Variants in ACTN4 observed in about 807,000 individuals in gnomAD.
ACTN4 encodes alpha-actinin-4.
A neutral mutation model predicts 114.2 loss-of-function variants in ACTN4; 18 were observed. That is an observed-to-expected ratio of 0.16 (90% CI 0.11 to 0.23). ACTN4 has a LOEUF of 0.23. Ranked by LOEUF, ACTN4 falls within the 10% of genes least tolerant of loss-of-function variation. The pLI is 1.00. For synonymous variants in ACTN4, 515 were observed against 506.3 expected, an observed-to-expected ratio of 1.02 and a Z score of -0.23; for missense variants, 722 against 1,262.9, an observed-to-expected ratio of 0.57 and a Z score of 6.49.
intron 9 of ACTN4, among the ~76,000 whole-genome samples, chr19:38,716,488 G>A (rs557574136): frequency 1.1e-4 from 17 of 152,260 alleles, no homozygotes; most frequent in African/African-American, 3.1e-4. Flanking sequence ...CCTTTTTGGC[G>A]GGGGCATGGG....
intron 1 of ACTN4, among the ~76,000 whole-genome samples, chr19:38,648,671 GATTT>G (rs1002296607): frequency 4.6e-5 from 7 of 151,990 alleles, no homozygotes; most frequent in Middle Eastern, 3.4e-3. Flanking sequence ...AAGGGGGTGA[GATTT>G]ATTTGTGGTG....
At chr19:38,705,794 C>T (rs558078455) in intron 4 of ACTN4, among the ~76,000 whole-genome samples, 2 of 152,306 alleles carry the variant, frequency 1.3e-5, no homozygotes, top group East Asian at 1.9e-4. Flanking sequence ...CCTGGTCAAG[C>T]GACTCTCCTC....
intron 1 of ACTN4, among the ~76,000 whole-genome samples, chr19:38,682,434 T>G (rs1467690971): frequency 6.6e-6 from 1 of 152,158 alleles, no homozygotes; most frequent in African/African-American, 2.4e-5. Flanking sequence ...TCCTCTCGCC[T>G]TGGCCTCCCA....
chr19:38,705,459 G>C (rs758162760), intron 4 of ACTN4, among the ~76,000 whole-genome samples: 3 of 152,184 alleles, frequency 2.0e-5, no homozygotes, highest in Non-Finnish European at 2.9e-5. Context: ...TCGCTTCCCT[G>C]CAAGCACCTG....
At chr19:38,676,057 TCAGGATGCAG>T (rs1967365822) in intron 1 of ACTN4, among the ~76,000 whole-genome samples, 1 of 152,194 alleles carries the variant, frequency 6.6e-6, no homozygotes, top group Non-Finnish European at 1.5e-5. Context: ...CACAGGGCTG[TCAGGATGCAG>T]CGGGATGGAG....
At chr19:38,680,268 G>A (rs7252589) in intron 1 of ACTN4, among the ~76,000 whole-genome samples, 54,128 of 138,096 alleles carry the variant, frequency 0.39, 11,619 homozygotes, top group East Asian at 0.49. Flanking sequence ...TCACTCAGTC[G>A]CCCAGGCTAG....
At chr19:38,726,745 G>C (rs191344098) in intron 17 of ACTN4, among the ~76,000 whole-genome samples, 55 of 152,310 alleles carry the variant, frequency 3.6e-4, no homozygotes, top group Middle Eastern at 3.4e-3. Context: ...TTGCCCTTCT[G>C]CTGCCCCTGT....
intron 3 of ACTN4, 50 bp downstream of exon 3, chr19:38,701,171 G>A (rs1232296780): frequency 6.2e-7 from 1 of 1,611,284 alleles, no homozygotes; most frequent in East Asian, 2.2e-5. Flanking sequence ...CTGACCTTTA[G>A]GCTCTGAAGC....
chr19:38,679,745 C>G (rs147573874), intron 1 of ACTN4, among the ~76,000 whole-genome samples: 76 of 152,264 alleles, frequency 5.0e-4, no homozygotes, highest in African/African-American at 1.7e-3. Context: ...ATTCTGCCAC[C>G]TTAGCCTCCC....
chr19:38,719,911 C>T (rs866987214), intron 11 of ACTN4, among the ~76,000 whole-genome samples: 5 of 152,216 alleles, frequency 3.3e-5, no homozygotes, highest in Non-Finnish European at 5.9e-5. Flanking sequence ...GAAGCCAGCT[C>T]AGTCTCCGGC....
chr19:38,730,955 C>G lies in ACTN4; in HGVS notation c.*1523C>G. 1 of 1,550,590 alleles carries G rather than the reference C, an allele frequency of 6.4e-7. No individual in the cohort carries two copies. The stretch of plus-strand genomic sequence containing the variant: ...AGCCTGAGCCACCCTGTCCCTCCCA[C>G]CTGGCTCACCTGTCTGTGGGTCAGG... On this transcript the variant is annotated 3_prime_UTR_variant, in exon 21 of 21. Transcript: ENST00000252699.
intron 3 of ACTN4, among the ~76,000 whole-genome samples, chr19:38,702,615 T>C (rs1968318501): frequency 1.3e-5 from 2 of 152,262 alleles, no homozygotes; most frequent in South Asian, 4.1e-4. Flanking sequence ...ACAGAATAGA[T>C]TTCCTGAGGC....
intron 4 of ACTN4, 66 bp downstream of exon 4, chr19:38,705,086 T>C: frequency 5.0e-6 from 7 of 1,404,910 alleles, no homozygotes; most frequent in Non-Finnish European, 7.1e-6. Flanking sequence ...AGAGCTGAAG[T>C]GTGATCTTCA....
chr19:38,681,083 G>A (rs373534724), intron 1 of ACTN4, among the ~76,000 whole-genome samples: 7 of 133,178 alleles, frequency 5.3e-5, no homozygotes, highest in Non-Finnish European at 6.3e-5. Flanking sequence ...CTGAGATTGC[G>A]CCACTGTACT....
At chr19:38,714,705 TG>T in intron 9 of ACTN4, 144 bp downstream of exon 9, 1 of 891,930 alleles carries the variant, frequency 1.1e-6, no homozygotes, top group Non-Finnish European at 1.8e-6. Context: ...TTTAGCCAGC[TG>T]GTGTGTACAC....
intron 19 of ACTN4, chr19:38,728,409 C>CTCCT: frequency 1.1e-6 from 1 of 910,614 alleles, no homozygotes; most frequent in South Asian, 1.7e-5. Flanking sequence ...CCCAGCCACC[C>CTCCT]GCTCCTCCTC....
At chr19:38,708,984 G>T (rs535300494) in intron 6 of ACTN4, among the ~76,000 whole-genome samples, 2 of 152,242 alleles carry the variant, frequency 1.3e-5, no homozygotes, top group East Asian at 3.9e-4. Context: ...GACACTTTAG[G>T]GTGGTTGGGA....
chr19:38,710,018 G>C (rs933166313), intron 7 of ACTN4, among the ~76,000 whole-genome samples: 1 of 152,138 alleles, frequency 6.6e-6, no homozygotes, highest in Non-Finnish European at 1.5e-5. Flanking sequence ...GCTGCTCCTT[G>C]AGGCCATTCT....
At chr19:38,681,587 G>A (rs181933290) in intron 1 of ACTN4, among the ~76,000 whole-genome samples, 28 of 152,242 alleles carry the variant, frequency 1.8e-4, no homozygotes, top group East Asian at 1.5e-3. Flanking sequence ...ACCACTGATC[G>A]CAATCGCGCT....
Sources: allele counts gnomAD v4.1 joint callset (sites outside exome capture counted in the v4.1 genomes callset), GRCh38; gene constraint gnomAD v4.1.1; transcripts MANE v1.5; gene names NCBI Gene and HGNC (gene_info 2026-07-23, HGNC 2026-07-21).